The following COL18A1 variants were observed in gnomAD, a reference collection of about 807,000 sequenced individuals.
COL18A1 encodes the protein collagen alpha-1(XVIII) chain.
COL18A1 carries 133 observed loss-of-function variants against 168.0 expected under a neutral mutation model. The observed-to-expected ratio is 0.79, with a 90% CI of 0.69 to 0.91. The LOEUF is 0.91. COL18A1 is among the 40% of genes least tolerant of loss of function. COL18A1 has a pLI of 0.00. For missense variants in COL18A1, 2,126 were observed against 1,925.4 expected (o/e 1.10, Z -1.95); for synonymous variants, 949 against 809.0 (o/e 1.17, Z -2.94).
chr21:45,459,356 G>A (rs1016442226), intron 2 of COL18A1, among the ~76,000 whole-genome samples: 1 of 152,218 alleles, frequency 6.6e-6, no homozygotes, highest in African/African-American at 2.4e-5. Context: ...TGGGGGTGCT[G>A]GGCTGTGATC....
chr21:45,417,306 G>C (rs1008844325), intron 2 of COL18A1, among the ~76,000 whole-genome samples: 1 of 152,192 alleles, frequency 6.6e-6, no homozygotes, highest in Non-Finnish European at 1.5e-5. Context: ...GAATGGCACC[G>C]GCTTGCCTTA....
At chr21:45,452,857 G>A (rs928340399) in intron 2 of COL18A1, among the ~76,000 whole-genome samples, 8 of 150,806 alleles carry the variant, frequency 5.3e-5, no homozygotes, top group Non-Finnish European at 1.2e-4. Context: ...ATGTATGTGT[G>A]GGGCTTGTGT....
intron 2 of COL18A1, among the ~76,000 whole-genome samples, chr21:45,439,229 AG>A (rs1458990762): frequency 6.6e-6 from 1 of 152,206 alleles, no homozygotes; most frequent in Non-Finnish European, 1.5e-5. Context: ...ACACAGTGGG[AG>A]GGGCCTGCTC....
chr21:45,486,863 G>A lies in COL18A1; in HGVS notation c.1704G>A (p.Gly568=). ...LGEAGAPGHK[G]SKGAPGPAGA... ...CACGCTCTCCTCACCCCACGCAGGG[G>A]AGCAAGGGAGCCCCCGGTCCTGCTG... The change falls in exon 16 of 42, where the codon GGG becomes GGA. Residue 568 remains glycine, a splice_region_variant and synonymous_variant. Transcript: ENST00000651438. 6.5e-7 allele frequency: 1 copy of A among 1,528,834 alleles called. No homozygotes were observed. Among genetic ancestry groups the A allele is most frequent in the Non-Finnish European group, 8.8e-7 (1 of 1,139,502 alleles). The allele number at this position is 1,528,834 out of a possible 1,614,324, so 94.7% of individuals were successfully genotyped here. A position where few individuals can be genotyped will look rare whatever the true frequency, so the allele number is the denominator to read the frequency against.
In COL18A1 at chr21:45,476,170, G is replaced by C. The variant is rs111351471; in HGVS notation, c.799-181G>C. Among the ~76,000 whole-genome samples, 779 of 152,304 alleles carry C rather than the reference G, an allele frequency of 5.1e-3. 3 individuals are homozygous for C. The highest frequency in any genetic ancestry group is 0.018 in the African/African-American group (738 of 41,558). The stretch of plus-strand genomic sequence containing the variant: ...TGGGGAGCCGGGGAGCCCACAGGCG[G>C]CCACACCCCTGCGGCCCACGGAAGG... On this transcript the variant is annotated intron_variant, in intron 5 of 41. Coordinates refer to ENST00000651438, the MANE Select transcript of COL18A1 (RefSeq NM_001379500.1).
chr21:45,469,463 A>T (rs1482789674), intron 3 of COL18A1, among the ~76,000 whole-genome samples: 1 of 152,214 alleles, frequency 6.6e-6, no homozygotes, highest in East Asian at 1.9e-4. Flanking sequence ...GTGAGACTCC[A>T]CTTTGGAGCA....
chr21:45,444,278 G>A lies in COL18A1; in HGVS notation c.107-23964G>A, dbSNP rs1386597105. On this transcript the variant is annotated intron_variant, in intron 2 of 41. Coordinates refer to ENST00000651438, the MANE Select transcript of COL18A1 (RefSeq NM_001379500.1). ...AGGCTGGGCTTGCAGCAGGAGCACGGGTGTGCGTGTGGAGTGAATGAAGGG... is the reference window on the plus strand; with the variant it reads ...AGGCTGGGCTTGCAGCAGGAGCACGAGTGTGCGTGTGGAGTGAATGAAGGG... Among the ~76,000 whole-genome samples the A allele has an allele frequency of 2.0e-5, 3 of 152,184 alleles. No homozygotes were observed. In the East Asian group the frequency reaches 5.8e-4, roughly 29 times the overall value.
chr21:45,475,542 A>G lies in COL18A1; in HGVS notation c.798+7A>G, dbSNP rs755284542. On this transcript the variant is annotated splice_region_variant and intron_variant, in intron 5 of 41. Coordinates refer to ENST00000651438, the MANE Select transcript of COL18A1 (RefSeq NM_001379500.1). ...GCTTCTCAGGGAGGAGACGGTGAGT[A>G]GCCGGACGGGGCCCAGCCCACGCTG... 1.4e-5 allele frequency: 23 copies of G among 1,603,630 alleles called. No individual in the cohort carries two copies. Among genetic ancestry groups the G allele is most frequent in the Non-Finnish European group, 1.8e-5 (21 of 1,176,888 alleles).
chr21:45,485,206 G>A (rs1449368889), intron 15 of COL18A1, among the ~76,000 whole-genome samples: 2 of 134,654 alleles, frequency 1.5e-5, no homozygotes, highest in East Asian at 4.3e-4. Flanking sequence ...TCGTCATGAT[G>A]GCCAGGCTGG....
At chr21:45,475,590 C>T (rs2035618056) in intron 5 of COL18A1, 55 bp downstream of exon 5, 7 of 1,477,200 alleles carry the variant, frequency 4.7e-6, no homozygotes, top group Non-Finnish European at 6.5e-6. Flanking sequence ...AGAGCCCCTC[C>T]CAGCAGTGGG....
chr21:45,510,409 T>C (rs1005414090), intron 40 of COL18A1, 148 bp downstream of exon 40: 1 of 900,550 alleles, frequency 1.1e-6, no homozygotes, highest in Non-Finnish European at 1.7e-6. Flanking sequence ...CAGGGCAGGC[T>C]CCGGGTGGGT....
In COL18A1 at chr21:45,505,392, G is replaced by A. The variant is rs552556415; in HGVS notation, c.3048G>A (p.Gly1016=). Residue 1016 remains glycine (G), a synonymous_variant, in exon 36 of 42, where the codon GGG becomes GGA. Coordinates refer to ENST00000651438, the MANE Select transcript of COL18A1 (RefSeq NM_001379500.1). ...TTCCCGGCCCTCCGGGCCCCCCTGG[G>A]CCCCCTGGGCCCCCTGGAACCATGG... ...ISVPGPPGPP[G]PPGPPGTMGA... is the part of the protein sequence containing the mutation. The A allele has an allele frequency of 3.8e-6, 6 of 1,576,652 alleles. No homozygotes were observed. Among genetic ancestry groups the A allele is most frequent in the East Asian group, 4.5e-5 (2 of 44,434 alleles).
At chr21:45,454,716 G>A (rs1405673547) in intron 2 of COL18A1, among the ~76,000 whole-genome samples, 1 of 152,244 alleles carries the variant, frequency 6.6e-6, no homozygotes, top group Non-Finnish European at 1.5e-5. Flanking sequence ...CAGCTGGCGG[G>A]GGGGCACAGC....
intron 8 of COL18A1, 164 bp from the exon 9 acceptor site, chr21:45,478,163 C>G: frequency 3.3e-6 from 3 of 909,292 alleles, no homozygotes; most frequent in African/African-American, 3.3e-5. Context: ...CAGACACAGC[C>G]CTTGTGGGTG....
rs2037684310 is a variant in COL18A1 at position 45,512,723 on chromosome 21, T to G, written c.*325T>G. On this transcript the variant is annotated 3_prime_UTR_variant, in exon 42 of 42. Coordinates refer to ENST00000651438, the MANE Select transcript of COL18A1 (RefSeq NM_001379500.1). Reference sequence around the variant, plus strand: ...GACCACGGCTCGATTTCTCCAGGATTTCCTGCTTTGGGAAGCCGTGCTCGC... The same window carrying G: ...GACCACGGCTCGATTTCTCCAGGATGTCCTGCTTTGGGAAGCCGTGCTCGC... 7.1e-6 allele frequency: 3 copies of G among 424,184 alleles called. No homozygotes were observed. Among genetic ancestry groups the G allele is most frequent in the Non-Finnish European group, 1.3e-5 (3 of 228,552 alleles). The allele number at this position is 424,184 out of a possible 1,614,324, so 26.3% of individuals were successfully genotyped here.
intron 32 of COL18A1, among the ~76,000 whole-genome samples, chr21:45,499,816 CAG>C (rs1444321644): frequency 6.6e-6 from 1 of 152,150 alleles, no homozygotes; most frequent in Non-Finnish European, 1.5e-5. Flanking sequence ...TTAAAACACA[CAG>C]AGTAGATCCA....
chr21:45,430,110 TTGGGGACCCCCCGTCTCCCTAGCGC>T (rs2033914729), intron 2 of COL18A1, among the ~76,000 whole-genome samples: 83 of 144,510 alleles, frequency 5.7e-4, no homozygotes, highest in African/African-American at 1.8e-3. Context: ...CGCCCTCTCG[TTGGGGACCCCCCGTCTCCCTAGCGC>T]CCTCTCGCCC....
intron 26 of COL18A1, 114 bp downstream of exon 26, chr21:45,493,689 C>A (rs1435934680): frequency 6.3e-6 from 5 of 796,598 alleles, no homozygotes; most frequent in Non-Finnish European, 8.2e-6. Context: ...CTCTCCCAAG[C>A]AGGGCTCTAC....
At chr21:45,409,686 G>A (rs1185249362) in intron 2 of COL18A1, among the ~76,000 whole-genome samples, 4 of 152,246 alleles carry the variant, frequency 2.6e-5, no homozygotes, top group East Asian at 3.8e-4. Flanking sequence ...GTGCCTGAGC[G>A]CAGACCCTGC....
Sources: allele counts gnomAD v4.1 joint callset (sites outside exome capture counted in the v4.1 genomes callset), GRCh38; gene constraint gnomAD v4.1.1; transcripts MANE v1.5; gene names NCBI Gene and HGNC (gene_info 2026-07-23, HGNC 2026-07-21).